EDIL3: variants seen among roughly 807,000 people sequenced by gnomAD.
The protein encoded by EDIL3 is EGF-like repeat and discoidin I-like domain-containing protein 3.
In EDIL3, 37 loss-of-function variants were observed where a neutral mutation model predicts 67.4. The ratio of observed to expected loss-of-function variants is 0.55; its 90% CI spans 0.42 to 0.72. The LOEUF is 0.72. EDIL3 is among the 30% of genes least tolerant of loss of function. The pLI is 0.00. For missense variants in EDIL3, 527 were observed against 586.3 expected, an observed-to-expected ratio of 0.90 and a Z score of 1.04; for synonymous variants, 195 against 196.3, an observed-to-expected ratio of 0.99 and a Z score of 0.05.
rs900363251 is a variant in EDIL3 at position 84,361,113 on chromosome 5, A to T, written c.67+23195T>A. ...ATTCTGCAAGTGAGCGTTAATAAAA[A>T]AAAGACAGACAAGCGATGGTTGTGA... is the stretch of plus-strand genomic sequence containing the variant. On this transcript the variant is annotated intron_variant, in intron 1 of 10. Coordinates refer to ENST00000296591, the MANE Select transcript of EDIL3 (RefSeq NM_005711.5). 6.6e-5 allele frequency among the ~76,000 whole-genome samples: 10 copies of T among 152,236 alleles called. No individual in the cohort carries two copies. In the South Asian group the frequency reaches 1.0e-3, roughly 16 times the overall value.
At chr5:83,979,527 C>T (rs995860538) in intron 9 of EDIL3, among the ~76,000 whole-genome samples, 1 of 151,674 alleles carries the variant, frequency 6.6e-6, no homozygotes, top group African/African-American at 2.4e-5. Context: ...GAATTGATAA[C>T]TAAATGGGAT....
chr5:84,172,366 G>A (rs909773435), intron 4 of EDIL3, among the ~76,000 whole-genome samples: 3 of 152,110 alleles, frequency 2.0e-5, no homozygotes, highest in South Asian at 2.1e-4. Flanking sequence ...GGAATTGCTT[G>A]AGCCCAGGAT....
chr5:84,136,416 G>A (rs1748093411), intron 5 of EDIL3, among the ~76,000 whole-genome samples: 1 of 151,944 alleles, frequency 6.6e-6, no homozygotes, highest in Admixed American at 6.6e-5. Flanking sequence ...CCTGTGTTTG[G>A]GCCCATTTTA....
intron 5 of EDIL3, among the ~76,000 whole-genome samples, chr5:84,107,364 G>T (rs1369987249): frequency 6.6e-6 from 1 of 151,664 alleles, no homozygotes; most frequent in African/African-American, 2.4e-5. Context: ...AGGGAAATGG[G>T]TAAATCTGTT....
chr5:83,977,523 A>C (rs995473501), intron 9 of EDIL3, among the ~76,000 whole-genome samples: 3 of 151,736 alleles, frequency 2.0e-5, no homozygotes, highest in Non-Finnish European at 3.0e-5. Context: ...CAGAGAATAT[A>C]TGTTTTCTGA....
At chr5:84,250,834 T>A (rs940423287) in intron 2 of EDIL3, among the ~76,000 whole-genome samples, 2 of 152,184 alleles carry the variant, frequency 1.3e-5, no homozygotes, top group Admixed American at 1.3e-4. Flanking sequence ...CAGAATTTCA[T>A]AATATATATG....
chr5:84,255,908 G>T (rs1745113761), intron 1 of EDIL3, among the ~76,000 whole-genome samples: 1 of 152,148 alleles, frequency 6.6e-6, no homozygotes, highest in Admixed American at 6.5e-5. Context: ...GTATAAATAT[G>T]TTAGATCAGG....
At chr5:84,290,657 T>A (rs1386772612) in intron 1 of EDIL3, among the ~76,000 whole-genome samples, 1 of 152,228 alleles carries the variant, frequency 6.6e-6, no homozygotes, top group Non-Finnish European at 1.5e-5. Flanking sequence ...ATAATTTTTA[T>A]CTTCCTTAGC....
intron 4 of EDIL3, among the ~76,000 whole-genome samples, chr5:84,153,988 C>G (rs1373505250): frequency 3.9e-5 from 6 of 152,100 alleles, no homozygotes; most frequent in African/African-American, 1.4e-4. Context: ...AGATAAAGGT[C>G]TGCTGGGCTT....
chr5:84,055,204 G>A (rs1465209798), intron 9 of EDIL3, among the ~76,000 whole-genome samples: 1 of 146,362 alleles, frequency 6.8e-6, no homozygotes, highest in African/African-American at 2.7e-5. Context: ...AACAAGAAAT[G>A]GGGAAAGGAT....
At chr5:84,221,947 G>A (rs1744350518) in intron 3 of EDIL3, among the ~76,000 whole-genome samples, 1 of 151,810 alleles carries the variant, frequency 6.6e-6, no homozygotes, top group Non-Finnish European at 1.5e-5. Context: ...AAATCAGAAT[G>A]CACAACCAAC....
Position 84,215,346 on chromosome 5 carries a change from C to T in EDIL3, c.226+14509G>A, listed in dbSNP as rs1025423075. Among the ~76,000 whole-genome samples the T allele has an allele frequency of 7.3e-5, 11 of 151,510 alleles. No individual in the cohort carries two copies. The East Asian group carries it at 9.8e-4, about 14-fold the overall frequency. On this transcript the variant is annotated intron_variant, in intron 3 of 10. Coordinates refer to ENST00000296591, the MANE Select transcript of EDIL3 (RefSeq NM_005711.5). ...TCGGCTCATTGCAAGATCCACCTCC[C>T]GGGTTCAGGCCATTCTCCTGCCTCA...
At chr5:84,084,200 C>T (rs766075080) in intron 6 of EDIL3, among the ~76,000 whole-genome samples, 4 of 151,976 alleles carry the variant, frequency 2.6e-5, no homozygotes, top group African/African-American at 7.2e-5. Context: ...GTAATTTTGC[C>T]AAACAGATGT....
At chr5:84,289,954 TCC>T (rs1028487654) in intron 1 of EDIL3, among the ~76,000 whole-genome samples, 3 of 152,162 alleles carry the variant, frequency 2.0e-5, no homozygotes, top group African/African-American at 7.2e-5. Context: ...CATTTTAATA[TCC>T]CACTGCCTAA....
intron 1 of EDIL3, 90 bp from the exon 2 acceptor site, chr5:84,254,302 G>A: frequency 7.2e-7 from 1 of 1,389,934 alleles, no homozygotes; most frequent in Non-Finnish European, 9.6e-7. Flanking sequence ...ATGTTCCCTT[G>A]GCAAAGTCAA....
At position 84,060,408 on chromosome 5, in the gene EDIL3, C is replaced by G; in HGVS notation, c.1029G>C (p.Thr343=). ...YQITASSIFR[T]LNMDMFTWEP... is the part of the protein sequence containing the mutation. Reference sequence around the variant, plus strand: ...CCCAAGTGAACATGTCCATGTTGAGCGTTCTGAAGATGCTGGAGGCAGTGA... The same window carrying G: ...CCCAAGTGAACATGTCCATGTTGAGGGTTCTGAAGATGCTGGAGGCAGTGA... The change falls in exon 9 of 11, where the codon ACG becomes ACC. Residue 343 remains threonine (T), a synonymous_variant. Transcript: ENST00000296591. 6.2e-7 allele frequency: 1 copy of G among 1,613,710 alleles called. No individual in the cohort carries two copies.
At chr5:83,970,029 T>C (rs937895563) in intron 9 of EDIL3, among the ~76,000 whole-genome samples, 5 of 151,588 alleles carry the variant, frequency 3.3e-5, no homozygotes, top group African/African-American at 1.2e-4. Context: ...TTATCAAATC[T>C]CTACCTAACT....
intron 2 of EDIL3, among the ~76,000 whole-genome samples, chr5:84,234,962 C>T (rs1012096557): frequency 9.2e-5 from 14 of 152,016 alleles, no homozygotes; most frequent in African/African-American, 3.4e-4. Context: ...ATGTCAAGTG[C>T]TCTACATGTG....
chr5:84,370,344 T>G (rs1167307939), intron 1 of EDIL3, among the ~76,000 whole-genome samples: 1 of 152,180 alleles, frequency 6.6e-6, no homozygotes, highest in East Asian at 1.9e-4. Flanking sequence ...CCAGGTGTTG[T>G]CTCTTCCCCT....
Sources: allele counts gnomAD v4.1 joint callset (sites outside exome capture counted in the v4.1 genomes callset), GRCh38; gene constraint gnomAD v4.1.1; transcripts MANE v1.5; gene names NCBI Gene and HGNC (gene_info 2026-07-23, HGNC 2026-07-21).